KCNK10: variants seen among roughly 807,000 people sequenced by gnomAD.
The protein encoded by KCNK10 is potassium two pore domain channel subfamily K member 10.
KCNK10 carries 25 observed loss-of-function variants against 47.7 expected under a neutral mutation model. That is an observed-to-expected ratio of 0.52 (90% CI 0.38 to 0.73). The LOEUF (loss-of-function observed/expected upper bound fraction) is 0.73. Ranked by LOEUF, KCNK10 falls within the 30% of genes least tolerant of loss-of-function variation. The pLI, the probability that KCNK10 is intolerant of heterozygous loss-of-function variation, is 0.00. For synonymous variants in KCNK10, 303 were observed against 285.6 expected, an observed-to-expected ratio of 1.06 and a Z score of -0.61; for missense variants, 563 against 714.5, an observed-to-expected ratio of 0.79 and a Z score of 2.42.
At chr14:88,319,110 A>G (rs12147268) in intron 1 of KCNK10, among the ~76,000 whole-genome samples, 77,297 of 152,006 alleles carry the variant, frequency 0.51, 20,394 homozygotes, top group Non-Finnish European at 0.58. Context: ...AACGCTCTTC[A>G]TAGAAGTCTC....
chr14:88,208,291 G>A (rs1885345882), intron 4 of KCNK10, among the ~76,000 whole-genome samples: 1 of 145,686 alleles, frequency 6.9e-6, no homozygotes. Flanking sequence ...TCTAGACAGG[G>A]GACAATACCA....
intron 4 of KCNK10, among the ~76,000 whole-genome samples, chr14:88,222,635 C>T (rs192321254): frequency 2.0e-4 from 31 of 152,240 alleles, no homozygotes; most frequent in Non-Finnish European, 3.7e-4. Context: ...GGAGACTGCA[C>T]ATGTGTGTAG....
At chr14:88,303,982 C>T (rs367654811) in intron 1 of KCNK10, among the ~76,000 whole-genome samples, 30 of 152,172 alleles carry the variant, frequency 2.0e-4, no homozygotes, top group East Asian at 3.9e-4. Context: ...CCAGAATGGA[C>T]GCTCTTTAAT....
At chr14:88,255,263 G>A (rs1886917773) in intron 2 of KCNK10, among the ~76,000 whole-genome samples, 1 of 152,164 alleles carries the variant, frequency 6.6e-6, no homozygotes, top group Non-Finnish European at 1.5e-5. Flanking sequence ...TGGCACAAGG[G>A]TTCAGTTGTG....
At chr14:88,207,168 C>CTTTTTTTTTTTTTTTTTTTTTTTTTTTTT (rs55711197) in intron 4 of KCNK10, among the ~76,000 whole-genome samples, 1 of 107,750 alleles carries the variant, frequency 9.3e-6, no homozygotes, top group African/African-American at 3.8e-5. Context: ...AGGTCACTCT[C>CTTTTTTTTTTTTTTTTTTTTTTTTTTTTT]TTTTTTTTTT....
chr14:88,254,594 C>T lies in KCNK10; in HGVS notation c.402+8608G>A, dbSNP rs185611672. ...CCCGTCAGTCAGCGAAGGCTCCTCA[C>T]GATTTTATTCTTTGAGGATCACAAA... On this transcript the variant is annotated intron_variant, in intron 2 of 6. Coordinates refer to ENST00000319231, the MANE Select transcript of KCNK10 (RefSeq NM_138317.3). Among the ~76,000 whole-genome samples, 311 of 152,282 alleles carry T rather than the reference C, an allele frequency of 2.0e-3. 1 individual carries two copies. Among genetic ancestry groups the T allele is most frequent in the African/African-American group, 6.6e-3 (273 of 41,554 alleles).
rs772617028 is a variant in KCNK10, at chr14:88,263,394, G to A, written c.210C>T (p.Thr70=). ...CAACCACCGTCTTCCACTTCATGACGGTCTGCAAGCCCCCTTGGGAGGTGC... is the reference window on the plus strand; with the variant it reads ...CAACCACCGTCTTCCACTTCATGACAGTCTGCAAGCCCCCTTGGGAGGTGC... ...MEGTSQGGLQ[T]VMKWKTVVAI... is the part of the protein sequence containing the mutation. The change falls in exon 2 of 7, where the codon ACC becomes ACT. Residue 70 remains threonine, a synonymous_variant. Coordinates refer to ENST00000319231, the MANE Select transcript of KCNK10 (RefSeq NM_138317.3). 6.8e-6 allele frequency: 11 copies of A among 1,613,950 alleles called. No homozygotes were observed. Among genetic ancestry groups the A allele is most frequent in the African/African-American group, 2.7e-5 (2 of 74,934 alleles).
chr14:88,283,202 A>G (rs1268227219), intron 1 of KCNK10, among the ~76,000 whole-genome samples: 2 of 152,242 alleles, frequency 1.3e-5, no homozygotes, highest in Non-Finnish European at 2.9e-5. Context: ...AACAAAGATC[A>G]CGATATGATC....
At chr14:88,308,043 A>G (rs1888237523) in intron 1 of KCNK10, among the ~76,000 whole-genome samples, 1 of 152,100 alleles carries the variant, frequency 6.6e-6, no homozygotes, top group African/African-American at 2.4e-5. Context: ...GCAGCTTGGG[A>G]GTGGCAGAGC....
At chr14:88,248,620 T>G (rs1205868633) in intron 2 of KCNK10, among the ~76,000 whole-genome samples, 2 of 151,960 alleles carry the variant, frequency 1.3e-5, no homozygotes, top group African/African-American at 4.8e-5. Flanking sequence ...TCCTAGCCAC[T>G]CGGGAGGTTC....
chr14:88,307,458 A>G (rs1888227756), intron 1 of KCNK10, among the ~76,000 whole-genome samples: 1 of 152,182 alleles, frequency 6.6e-6, no homozygotes, highest in Admixed American at 6.5e-5. Context: ...ACTGGGAGAG[A>G]TAAAATGGGG....
chr14:88,223,575 G>A (rs1885889362), intron 4 of KCNK10, among the ~76,000 whole-genome samples: 1 of 152,074 alleles, frequency 6.6e-6, no homozygotes, highest in Non-Finnish European at 1.5e-5. Context: ...TTCTGTCTGG[G>A]TGACTCTCCT....
chr14:88,267,002 A>G (rs1887276482), intron 1 of KCNK10, among the ~76,000 whole-genome samples: 1 of 152,218 alleles, frequency 6.6e-6, no homozygotes, highest in African/African-American at 2.4e-5. Context: ...GAATCCACCC[A>G]TGCCTGAGCT....
intron 6 of KCNK10, among the ~76,000 whole-genome samples, chr14:88,187,499 C>A (rs950295510): frequency 1.3e-5 from 2 of 152,022 alleles, no homozygotes; most frequent in Non-Finnish European, 2.9e-5. Flanking sequence ...GTGAAAGAGG[C>A]CCATTGGGCT....
At chr14:88,257,881 T>C (rs1887000634) in intron 2 of KCNK10, among the ~76,000 whole-genome samples, 1 of 152,204 alleles carries the variant, frequency 6.6e-6, no homozygotes, top group Non-Finnish European at 1.5e-5. Flanking sequence ...TATGAGCATG[T>C]TGAACTGGAT....
upstream of KCNK10, chr14:88,326,519 T>G: frequency 4.6e-6 from 6 of 1,301,366 alleles, no homozygotes; most frequent in Non-Finnish European, 6.7e-6. Context: ...TCCATGGCTA[T>G]TGCTTCAGGC....
intron 3 of KCNK10, among the ~76,000 whole-genome samples, chr14:88,230,116 G>T (rs1886114562): frequency 1.3e-5 from 2 of 152,188 alleles, no homozygotes; most frequent in African/African-American, 4.8e-5. Flanking sequence ...CAAAGCAAGA[G>T]TTACATGTGA....
At chr14:88,197,604 A>AAAAAAAAAAAAAAAAAAAAAAAC (rs1884958383) in intron 4 of KCNK10, among the ~76,000 whole-genome samples, 1 of 146,106 alleles carries the variant, frequency 6.8e-6, no homozygotes, top group Non-Finnish European at 1.5e-5. Context: ...AAAAAAAAAA[A>AAAAAAAAAAAAAAAAAAAAAAAC]AAAAAAAATC....
intron 1 of KCNK10, among the ~76,000 whole-genome samples, chr14:88,288,121 G>C (rs570982389): frequency 3.9e-5 from 6 of 152,012 alleles, no homozygotes; most frequent in Non-Finnish European, 5.9e-5. Context: ...TCATATGTTT[G>C]TTGGCCATTT....
Sources: gnomAD v4.1 joint callset for allele counts (sites outside exome capture counted in the v4.1 genomes callset) on GRCh38, gnomAD v4.1.1 for gene constraint, MANE v1.5 for transcripts, NCBI Gene and HGNC (gene_info 2026-07-23, HGNC 2026-07-21) for gene names.